Variants in SETBP1 observed in about 807,000 individuals in gnomAD.
SETBP1 encodes SET binding protein 1.
In SETBP1, 9 loss-of-function variants were observed where a neutral mutation model predicts 101.0. The ratio of observed to expected loss-of-function variants is 0.09; its 90% confidence interval spans 0.05 to 0.16. The LOEUF is 0.16. Among genes scored for constraint, SETBP1 ranks in the 10% least tolerant of loss-of-function variants. The pLI is 1.00. For missense variants in SETBP1, 1,858 were observed against 2,033.8 expected (o/e 0.91, Z 1.66); for synonymous variants, 818 against 788.5 (o/e 1.04, Z -0.63).
chr18:44,992,350 C>T (rs2072397392), intron 4 of SETBP1, among the ~76,000 whole-genome samples: 1 of 151,950 alleles, frequency 6.6e-6, no homozygotes, highest in Non-Finnish European at 1.5e-5. Context: ...TAAAAAATTG[C>T]TTCTCAGCCT....
intron 3 of SETBP1, chr18:44,876,747 A>T (rs2069415538): frequency 1.3e-6 from 2 of 1,527,600 alleles, no homozygotes; most frequent in East Asian, 2.5e-5. Context: ...GGGCACAAGA[A>T]GTATAACTTC....
At chr18:44,829,527 CAAG>C (rs1295778930) in intron 2 of SETBP1, among the ~76,000 whole-genome samples, 3 of 152,124 alleles carry the variant, frequency 2.0e-5, no homozygotes, top group African/African-American at 7.2e-5. Context: ...TGGTTTCCAT[CAAG>C]AAGAAGGCCG....
chr18:44,854,444 G>A (rs924834471), intron 2 of SETBP1, among the ~76,000 whole-genome samples: 3 of 152,160 alleles, frequency 2.0e-5, no homozygotes, highest in Non-Finnish European at 4.4e-5. Context: ...CATCCTCAAT[G>A]TATGTAGTGC....
intron 3 of SETBP1, among the ~76,000 whole-genome samples, chr18:44,917,132 T>C (rs2070447351): frequency 6.6e-6 from 1 of 152,158 alleles, no homozygotes; most frequent in South Asian, 2.1e-4. Context: ...TCCCTCTGAG[T>C]AGATATCAGG....
chr18:44,942,390 T>G (rs1465430701), intron 3 of SETBP1, among the ~76,000 whole-genome samples: 1 of 152,184 alleles, frequency 6.6e-6, no homozygotes, highest in Non-Finnish European at 1.5e-5. Flanking sequence ...TCCAGATACT[T>G]AAGATAATCC....
At chr18:45,001,490 C>A (rs1453945954) in intron 4 of SETBP1, among the ~76,000 whole-genome samples, 2 of 152,172 alleles carry the variant, frequency 1.3e-5, no homozygotes, top group Non-Finnish European at 2.9e-5. Context: ...GCTACCTATA[C>A]AGAGTAGGCT....
chr18:44,701,272 C>T lies in SETBP1; in HGVS notation c.-75C>T. On this transcript the variant is annotated 5_prime_UTR_variant, in exon 2 of 6. Transcript: ENST00000649279. ...ACTTTGTTCTTGGAATTTTGGGTGT[C>T]CTCTTTTCTCACCTTTCCCTTTTCC... The T allele has an allele frequency of 1.4e-6, 2 of 1,442,096 alleles. No individual in the cohort carries two copies. The highest frequency in any genetic ancestry group is 1.8e-6 in the Non-Finnish European group (2 of 1,093,584). 89.3% of individuals were successfully genotyped at this position (1,442,096 alleles called of 1,614,324 possible). A position where few individuals can be genotyped will look rare whatever the true frequency, so the allele number is the denominator to read the frequency against.
intron 3 of SETBP1, among the ~76,000 whole-genome samples, chr18:44,895,410 A>G (rs1238358897): frequency 6.6e-6 from 1 of 152,112 alleles, no homozygotes. Context: ...TAAGAGCTGT[A>G]GAGAGTACTA....
intron 4 of SETBP1, chr18:44,987,010 A>G (rs925193481): frequency 6.6e-6 from 1 of 152,130 alleles, no homozygotes; most frequent in African/African-American, 2.4e-5. Flanking sequence ...AGTATTATGT[A>G]CCGTACCTAG....
chr18:45,000,969 A>C (rs1246444530), intron 4 of SETBP1, among the ~76,000 whole-genome samples: 7 of 152,210 alleles, frequency 4.6e-5, no homozygotes, highest in African/African-American at 1.7e-4. Flanking sequence ...TAGAGGTTGA[A>C]ACAGCCCAGG....
At chr18:44,719,480 C>T (rs1157046641) in intron 2 of SETBP1, among the ~76,000 whole-genome samples, 2 of 152,076 alleles carry the variant, frequency 1.3e-5, no homozygotes, top group Non-Finnish European at 1.5e-5. Flanking sequence ...TGGAGAGTAC[C>T]CTGGAGGAGC....
At chr18:44,949,684 T>C (rs965412823) in intron 3 of SETBP1, among the ~76,000 whole-genome samples, 197 bp from the exon 4 acceptor site, 4 of 152,230 alleles carry the variant, frequency 2.6e-5, no homozygotes, top group African/African-American at 9.6e-5. Context: ...TCAAAACCAG[T>C]GCAATACATC....
intron 4 of SETBP1, among the ~76,000 whole-genome samples, chr18:44,979,933 ACC>A (rs2072074798): frequency 6.6e-6 from 1 of 152,168 alleles, no homozygotes; most frequent in Admixed American, 6.5e-5. Context: ...GTGTTTGAAA[ACC>A]CATGTGGATG....
At chr18:44,989,999 C>T (rs1205152008) in intron 4 of SETBP1, among the ~76,000 whole-genome samples, 1 of 145,972 alleles carries the variant, frequency 6.9e-6, no homozygotes, top group East Asian at 2.1e-4. Flanking sequence ...TTTTAGCCAA[C>T]ATCTCAACAG....
At chr18:44,909,705 T>G (rs531425591) in intron 3 of SETBP1, among the ~76,000 whole-genome samples, 14 of 152,354 alleles carry the variant, frequency 9.2e-5, no homozygotes, top group African/African-American at 2.6e-4. Context: ...ACAGTTATTA[T>G]TATCCTGATT....
In SETBP1 at chr18:44,757,720, C is replaced by T. The variant is rs190828898; in HGVS notation, c.486+55888C>T. 5.2e-4 allele frequency among the ~76,000 whole-genome samples: 79 copies of T among 151,700 alleles called. 1 individual carries two copies. Among genetic ancestry groups the T allele is most frequent in the African/African-American group, 1.5e-3 (64 of 41,312 alleles). On this transcript the variant is annotated intron_variant, in intron 2 of 5. Transcript: ENST00000649279. ...AAATTGGAGATTTAGAGAGATTAAACGACTTGTCTCAATTTCACACCACCG... is the reference window on the plus strand; with the variant it reads ...AAATTGGAGATTTAGAGAGATTAAATGACTTGTCTCAATTTCACACCACCG...
At position 44,875,291 on chromosome 18, in the gene SETBP1, C is replaced by T. The variant is rs138985367; in HGVS notation, c.540+6008C>T. 1.6e-3 allele frequency among the ~76,000 whole-genome samples: 237 copies of T among 152,046 alleles called. 3 individuals carry two copies. The highest frequency in any genetic ancestry group is 3.4e-3 in the Middle Eastern group (1 of 294). ...ATACCAACACATTGGGAGGCCAAGG[C>T]GGGTGGATCATGGGGTCAAGAGATC... On this transcript the variant is annotated intron_variant, in intron 3 of 5. Coordinates refer to ENST00000649279, the MANE Select transcript of SETBP1 (RefSeq NM_015559.3).
intron 1 of SETBP1, among the ~76,000 whole-genome samples, chr18:44,697,695 G>A (rs904657784): frequency 6.6e-6 from 1 of 152,212 alleles, no homozygotes. Flanking sequence ...GCCCAGAACA[G>A]CTAGAAGACA....
At position 44,787,860 on chromosome 18, in the gene SETBP1, CAA is replaced by C. The variant is rs11399627; in HGVS notation, c.487-81351_487-81350del. 3.9e-3 allele frequency among the ~76,000 whole-genome samples: 36 copies of C among 9,220 alleles called. 1 individual carries two copies. The highest frequency in any genetic ancestry group is 0.012 in the African/African-American group (27 of 2,346). 6.0% of individuals were successfully genotyped at this position (9,220 alleles called of 152,430 possible). On this transcript the variant is annotated intron_variant, in intron 2 of 5. Transcript: ENST00000649279. ...TGGGCGACAGAGCGAGAGTCCGTCT[CAA>C]AAAAAAAAAAAAAAAAAAGAAAATT...
Sources: allele counts gnomAD v4.1 joint callset (sites outside exome capture counted in the v4.1 genomes callset), GRCh38; gene constraint gnomAD v4.1.1; transcripts MANE v1.5; gene names NCBI Gene and HGNC (gene_info 2026-07-23, HGNC 2026-07-21).